Variants in TBL1XR1 observed in about 807,000 individuals in gnomAD.
The protein encoded by TBL1XR1 is TBL1X/Y related 1, also known as F-box-like/WD repeat-containing protein TBL1XR1.
TBL1XR1 carries 5 observed loss-of-function variants against 66.9 expected under a neutral mutation model. The observed-to-expected ratio is 0.07, with a 90% CI of 0.04 to 0.16. The LOEUF is 0.16. Ranked by LOEUF, TBL1XR1 falls within the 10% of genes least tolerant of loss-of-function variation. The pLI, the probability that TBL1XR1 is intolerant of heterozygous loss-of-function variation, is 1.00. For synonymous variants in TBL1XR1, 210 were observed against 206.0 expected, an observed-to-expected ratio of 1.02 and a Z score of -0.17; for missense variants, 238 against 623.2, an observed-to-expected ratio of 0.38 and a Z score of 6.58.
At chr3:177,090,920 T>G (rs1428589057) in intron 2 of TBL1XR1, among the ~76,000 whole-genome samples, 2 of 152,014 alleles carry the variant, frequency 1.3e-5, no homozygotes, top group Non-Finnish European at 2.9e-5. Context: ...GCCCAGAAGG[T>G]CGGGGCTGCA....
intron 1 of TBL1XR1, among the ~76,000 whole-genome samples, chr3:177,128,276 G>A (rs1479885916): frequency 2.6e-5 from 4 of 152,238 alleles, no homozygotes; most frequent in Admixed American, 6.5e-5. Context: ...TAAAACATTA[G>A]AACCGATGTG....
intron 1 of TBL1XR1, among the ~76,000 whole-genome samples, chr3:177,132,729 A>G (rs1728454017): frequency 6.6e-6 from 1 of 152,222 alleles, no homozygotes; most frequent in African/African-American, 2.4e-5. Flanking sequence ...ATAGGCTCTA[A>G]GGAAAGAACA....
chr3:177,148,096 ATT>A (rs1730463003), intron 1 of TBL1XR1, among the ~76,000 whole-genome samples: 1 of 152,312 alleles, frequency 6.6e-6, no homozygotes, highest in East Asian at 1.9e-4. Flanking sequence ...TTATTTTATA[ATT>A]TTTTTGTTCT....
intron 1 of TBL1XR1, among the ~76,000 whole-genome samples, chr3:177,127,590 T>A (rs1428038750): frequency 6.6e-6 from 1 of 152,200 alleles, no homozygotes; most frequent in Non-Finnish European, 1.5e-5. Context: ...AGGGAAGACC[T>A]GAGATCTATA....
At chr3:177,041,687 T>G (rs1025596906) in intron 10 of TBL1XR1, among the ~76,000 whole-genome samples, 2 of 152,216 alleles carry the variant, frequency 1.3e-5, no homozygotes, top group African/African-American at 4.8e-5. Context: ...TCAACTCTCA[T>G]TCGTTCCTTA....
intron 1 of TBL1XR1, among the ~76,000 whole-genome samples, chr3:177,151,584 G>T (rs1290838101): frequency 6.6e-6 from 1 of 152,106 alleles, no homozygotes; most frequent in Non-Finnish European, 1.5e-5. Flanking sequence ...CCATAAAACT[G>T]GTCCCTGGTG....
intron 1 of TBL1XR1, among the ~76,000 whole-genome samples, chr3:177,159,271 G>C (rs528600703): frequency 6.6e-6 from 1 of 152,152 alleles, no homozygotes; most frequent in South Asian, 2.1e-4. Context: ...GTAGCTACTT[G>C]AAATTATATC....
chr3:177,112,597 G>A (rs763014863), intron 1 of TBL1XR1, among the ~76,000 whole-genome samples: 1 of 152,056 alleles, frequency 6.6e-6, no homozygotes, highest in East Asian at 1.9e-4. Flanking sequence ...ATTTAAATCT[G>A]ACTATTTTGT....
chr3:177,163,323 A>G (rs1049099815), intron 1 of TBL1XR1, among the ~76,000 whole-genome samples: 2 of 152,108 alleles, frequency 1.3e-5, no homozygotes, highest in African/African-American at 4.8e-5. Flanking sequence ...CCCTGCCAAC[A>G]TGAGGAAACC....
rs1215953274 is a variant in TBL1XR1, at chr3:177,119,861, T to C, written c.-121-21320A>G. ...ACCCATTTTCTACATGGTCATTTTA[T>C]TGTAATGCAACCACTGCCCTTGGTA... On this transcript the variant is annotated intron_variant, in intron 1 of 15. Coordinates refer to ENST00000457928, the MANE Select transcript of TBL1XR1 (RefSeq NM_024665.7). Among the ~76,000 whole-genome samples, 11 of 152,346 alleles carry C rather than the reference T, an allele frequency of 7.2e-5. No homozygotes were observed. The East Asian group carries it at 1.2e-3, about 16-fold the overall frequency.
chr3:177,146,589 C>CAAAAAAAAAAAAAAAAAAAAAAAAAAA lies in TBL1XR1; in HGVS notation c.-121-48049_-121-48048insTTTTTTTTTTTTTTTTTTTTTTTTTTT, dbSNP rs78065426. Among the ~76,000 whole-genome samples the CAAAAAAAAAAAAAAAAAAAAAAAAAAA allele has an allele frequency of 3.7e-4, 19 of 51,960 alleles. 3 individuals carry two copies. Among genetic ancestry groups the CAAAAAAAAAAAAAAAAAAAAAAAAAAA allele is most frequent in the African/African-American group, 8.0e-4 (11 of 13,736 alleles). The allele number at this position is 51,960 out of a possible 152,430, so 34.1% of individuals were successfully genotyped here. A position where few individuals can be genotyped will look rare whatever the true frequency, so the allele number is the denominator to read the frequency against. ...TGGGCAGCTGAGCGAGACTCCATCTCAAAAAAAAAAAAAAAAAAGTTGTAT... is the reference window on the plus strand; with the variant it reads ...TGGGCAGCTGAGCGAGACTCCATCTCAAAAAAAAAAAAAAAAAAAAAAAAAAAAAAAAAAAAAAAAAAAAAGTTGTAT... On this transcript the variant is annotated intron_variant, in intron 1 of 15. Transcript: ENST00000457928.
chr3:177,093,692 C>T (rs995138845), intron 2 of TBL1XR1, among the ~76,000 whole-genome samples: 10 of 152,092 alleles, frequency 6.6e-5, no homozygotes, highest in Non-Finnish European at 1.0e-4. Flanking sequence ...AACTGATCTT[C>T]GACAAAGCTA....
At chr3:177,131,257 C>T in intron 1 of TBL1XR1, 2 of 780,304 alleles carry the variant, frequency 2.6e-6, no homozygotes, top group Non-Finnish European at 1.6e-6. Context: ...CACATAGCAA[C>T]ACACACAAAA....
At chr3:177,199,451 C>A (rs1357952959), upstream of TBL1XR1, among the ~76,000 whole-genome samples, 1 of 151,062 alleles carries the variant, frequency 6.6e-6, no homozygotes, top group Non-Finnish European at 1.5e-5. Flanking sequence ...AGTAAACTAT[C>A]TCGGTGGAGC....
At chr3:177,033,181 C>T in intron 13 of TBL1XR1, 45 bp from the exon 14 acceptor site, 3 of 1,447,330 alleles carry the variant, frequency 2.1e-6, no homozygotes, top group Non-Finnish European at 2.8e-6. Context: ...TAAGGAAATA[C>T]TCCCCCAGCC....
At chr3:177,125,692 TTGACG>T (rs1488949133) in intron 1 of TBL1XR1, among the ~76,000 whole-genome samples, 1 of 152,166 alleles carries the variant, frequency 6.6e-6, no homozygotes, top group Admixed American at 6.5e-5. Flanking sequence ...GCCAGTATAC[TTGACG>T]TGCCATGGAG....
chr3:177,091,655 A>G lies in TBL1XR1; in HGVS notation c.-46+6811T>C, dbSNP rs369033026. On this transcript the variant is annotated intron_variant, in intron 2 of 15. Coordinates refer to ENST00000457928, the MANE Select transcript of TBL1XR1 (RefSeq NM_024665.7). ...TCAATAAGAATACAAACTACAGTCA[A>G]TAAAACATATCAAATGCCTAAATCC... Among the ~76,000 whole-genome samples, 16 of 152,312 alleles carry G rather than the reference A, an allele frequency of 1.1e-4. No individual in the cohort carries two copies. In the South Asian group the frequency reaches 3.1e-3, roughly 30 times the overall value.
chr3:177,026,243 G>GA (rs3046447), intron 15 of TBL1XR1, 130 bp downstream of exon 15: 13,905 of 587,356 alleles, frequency 0.024, no homozygotes, highest in South Asian at 0.04. Context: ...ACAGCCTCAG[G>GA]AAAAAAAAAA....
chr3:177,035,144 T>A (rs1234574575), intron 12 of TBL1XR1, among the ~76,000 whole-genome samples: 1 of 152,126 alleles, frequency 6.6e-6, no homozygotes, highest in Non-Finnish European at 1.5e-5. Flanking sequence ...CCAAGTAAAA[T>A]AAATCTGAAC....
Sources: gnomAD v4.1 joint callset for allele counts (sites outside exome capture counted in the v4.1 genomes callset) on GRCh38, gnomAD v4.1.1 for gene constraint, MANE v1.5 for transcripts, NCBI Gene and HGNC (gene_info 2026-07-23, HGNC 2026-07-21) for gene names.